ZNF711: variants seen among roughly 807,000 people sequenced by gnomAD.
ZNF711 encodes the protein ZFX family zinc finger ZNF711.
A neutral mutation model predicts 43.5 loss-of-function variants in ZNF711; 3 were observed. The observed-to-expected ratio is 0.07, with a 90% confidence interval of 0.03 to 0.18. The LOEUF (loss-of-function observed/expected upper bound fraction) is 0.18. Ranked by LOEUF, ZNF711 falls within the 10% of genes least tolerant of loss-of-function variation. The probability of loss-of-function intolerance (pLI) is 1.00; values close to 1 mark genes in which losing one functional copy is unlikely to be tolerated. For synonymous variants in ZNF711, 209 were observed against 207.7 expected (o/e 1.01, Z -0.06); for missense variants, 412 against 604.0 (o/e 0.68, Z 3.33).
At chrX:85,249,577 A>G (rs551978702) in intron 4 of ZNF711, among the ~76,000 whole-genome samples, 1 of 111,238 alleles carries the variant, frequency 9.0e-6, no homozygotes, top group East Asian at 2.8e-4. Context: ...TTTATCCTCA[A>G]TGTCTTTAGA....
chrX:85,254,576 C>T (rs1270936916), intron 4 of ZNF711, among the ~76,000 whole-genome samples: 1 of 52,422 alleles, frequency 1.9e-5, no homozygotes, highest in Admixed American at 2.5e-4. Context: ...CACTGCAGTC[C>T]GCAGTCCGGC....
intron 4 of ZNF711, among the ~76,000 whole-genome samples, chrX:85,251,988 G>T (rs767384737): frequency 9.0e-6 from 1 of 111,651 alleles, no homozygotes; most frequent in Non-Finnish European, 1.9e-5. Flanking sequence ...TTGTTCTGAG[G>T]ATTAAATGAG....
At position 85,268,334 on chromosome X, in the gene ZNF711, A is replaced by G; in HGVS notation, c.1095A>G (p.Gln365=). The change falls in exon 9 of 11, where the codon CAA becomes CAG. Residue 365 remains glutamine (Q), a synonymous_variant. Coordinates refer to ENST00000674551, the MANE Select transcript of ZNF711 (RefSeq NM_001330574.2). ...TTTCCCGAAGGTATGAAGATTGTCAAGCATCAGGTAAGAGAGCATTGTATA... is the reference window on the plus strand; with the variant it reads ...TTTCCCGAAGGTATGAAGATTGTCAGGCATCAGGTAAGAGAGCATTGTATA... ...RRVSRRYEDC[Q]ASGNTLDSAL... The G allele has an allele frequency of 8.3e-7, 1 of 1,200,165 alleles. No individual in the cohort carries two copies.
intron 5 of ZNF711, among the ~76,000 whole-genome samples, chrX:85,261,622 A>G (rs1405397031): frequency 9.0e-6 from 1 of 111,571 alleles, no homozygotes; most frequent in East Asian, 2.8e-4. Context: ...AAGGAATGTT[A>G]TATTGTACAT....
Position 85,271,633 on chromosome X carries a change from C to A in ZNF711, c.2229C>A (p.Thr743=). 1 of 1,209,576 alleles carries A rather than the reference C, an allele frequency of 8.3e-7. No individual in the cohort carries two copies. ...ATGAGCTAAAAAAACATATGAAGAC[C>A]CATACTGGAAGGAAGATTTACCAAT... ...QQNELKKHMK[T]HTGRKIYQCE... Residue 743 remains threonine (T), a synonymous_variant, in exon 11 of 11, where the codon ACC becomes ACA. Coordinates refer to ENST00000674551, the MANE Select transcript of ZNF711 (RefSeq NM_001330574.2).
Position 85,265,189 on chromosome X carries a change from C to G in ZNF711, c.850C>G (p.Arg284Gly). Residue 284 changes from arginine to glycine, a missense_variant, in exon 7 of 11, where the codon CGA becomes GGA. Transcript: ENST00000674551. ...HSVAGVLDQS[R>G]MQREKMVYMA... ...AGTAGCTGGAGTGCTTGACCAGAGC[C>G]GAATGCAGCGGGAGAAGATGGTTTA... is the stretch of plus-strand genomic sequence containing the variant. The G allele has an allele frequency of 8.3e-7, 1 of 1,207,598 alleles. No individual in the cohort carries two copies. Among genetic ancestry groups the G allele is most frequent in the Non-Finnish European group, 1.1e-6 (1 of 893,019 alleles).
At position 85,252,336 on chromosome X, in the gene ZNF711, A is replaced by G. The variant is rs1402910972; in HGVS notation, c.80-2923A>G. Among the ~76,000 whole-genome samples the G allele has an allele frequency of 2.7e-5, 3 of 111,576 alleles. No individual in the cohort carries two copies. The East Asian group carries it at 8.4e-4, about 31-fold the overall frequency. The stretch of plus-strand genomic sequence containing the variant: ...CTAAGTGAACTAGCACTGTTCCTTC[A>G]GTCTATCCTCTTAGAATCCACCCAA... On this transcript the variant is annotated intron_variant, in intron 4 of 10. Coordinates refer to ENST00000674551, the MANE Select transcript of ZNF711 (RefSeq NM_001330574.2).
rs936774549 is a variant in ZNF711, at chrX:85,270,211, G to GA, written c.1246+70dup. On this transcript the variant is annotated intron_variant, in intron 10 of 10. Transcript: ENST00000674551. ...TGTGGAAGTATTTTTTGTCACCAAA[G>GA]AAAAATATCGATGGTTTACTTGGCA... The GA allele has an allele frequency of 1.6e-5, 17 of 1,087,466 alleles. No individual in the cohort carries two copies. In the African/African-American group the frequency reaches 3.2e-4, roughly 20 times the overall value. 89.6% of individuals were successfully genotyped at this position (1,087,466 alleles called of 1,213,427 possible).
Position 85,244,148 on chromosome X carries a change from A to AGCGGCGGCG in ZNF711, c.-446_-438dup, listed in dbSNP as rs770058389. The AGCGGCGGCG allele has an allele frequency of 1.5e-5, 2 of 132,436 alleles. No individual in the cohort carries two copies. Among genetic ancestry groups the AGCGGCGGCG allele is most frequent in the African/African-American group, 7.7e-5 (2 of 25,919 alleles). The allele number at this position is 132,436 out of a possible 1,213,427, so 10.9% of individuals were successfully genotyped here. On this transcript the variant is annotated 5_prime_UTR_variant, in exon 1 of 11. Transcript: ENST00000674551. Reference sequence around the variant, plus strand: ...AGGCGGCGGCGGCGGCGGCGGCGGCAGCGGCGGCGGCAGCGGCGGCGGCAG... The same window carrying AGCGGCGGCG: ...AGGCGGCGGCGGCGGCGGCGGCGGCAGCGGCGGCGGCGGCGGCGGCAGCGGCGGCGGCAG...
chrX:85,269,850 A>T (rs187574225), intron 9 of ZNF711, among the ~76,000 whole-genome samples, 153 bp from the exon 10 acceptor site: 1 of 111,985 alleles, frequency 8.9e-6, no homozygotes, highest in Non-Finnish European at 1.9e-5. Flanking sequence ...AACAAGAGTG[A>T]GAGAGAGAAA....
chrX:85,258,871 G>A (rs942758075), intron 5 of ZNF711, among the ~76,000 whole-genome samples: 6 of 111,134 alleles, frequency 5.4e-5, no homozygotes, highest in African/African-American at 1.3e-4. Context: ...TGTTTACTCC[G>A]TTGATAGTTT....
At chrX:85,269,592 G>A (rs902637942) in intron 9 of ZNF711, among the ~76,000 whole-genome samples, 4 of 109,620 alleles carry the variant, frequency 3.6e-5, no homozygotes, top group African/African-American at 1.3e-4. Context: ...GCCTAGGGTG[G>A]ACTGAAACTC....
At position 85,260,025 on chromosome X, in the gene ZNF711, G is replaced by T. The variant is rs1012197641; in HGVS notation, c.622+4224G>T. Among the ~76,000 whole-genome samples, 4 of 111,187 alleles carry T rather than the reference G, an allele frequency of 3.6e-5. No homozygotes were observed. The Admixed American group carries it at 3.8e-4, about 11-fold the overall frequency. On this transcript the variant is annotated intron_variant, in intron 5 of 10. Coordinates refer to ENST00000674551, the MANE Select transcript of ZNF711 (RefSeq NM_001330574.2). ...TCAGTTCGATATTGGCTTTGGGTTT[G>T]TCATAAATGGCTGTTATTATTTTGA...
intron 7 of ZNF711, 140 bp downstream of exon 7, chrX:85,265,395 T>C: frequency 1.6e-6 from 1 of 644,805 alleles, no homozygotes; most frequent in Non-Finnish European, 2.4e-6. Flanking sequence ...TGTAAATAAT[T>C]TAAAAGTGAA....
In ZNF711 at chrX:85,265,210, G is replaced by A; in HGVS notation, c.871G>A (p.Val291Ile). 1 of 1,208,801 alleles carries A rather than the reference G, an allele frequency of 8.3e-7. No homozygotes were observed. Among genetic ancestry groups the A allele is most frequent in the South Asian group, 1.8e-5 (1 of 56,897 alleles). ...DQSRMQREKMVYMAVKDSSQE... is the reference protein window; with the variant it reads ...DQSRMQREKMIYMAVKDSSQE... ...GAGCCGAATGCAGCGGGAGAAGATG[G>A]TTTACATGGCAGTTAAAGATTCTTC... Residue 291 changes from valine (V) to isoleucine (I), a missense_variant, in exon 7 of 11, where the codon GTT becomes ATT. Around this residue, in one of 4 missense-constraint regions of ZNF711, gnomAD observed 375 missense variants for 514.2 expected, o/e 0.73. Coordinates refer to ENST00000674551, the MANE Select transcript of ZNF711 (RefSeq NM_001330574.2).
chrX:85,255,401 TG>T lies in ZNF711; in HGVS notation c.223del (p.Asp75IlefsTer8). On this transcript the variant is annotated frameshift_variant, in exon 5 of 11. Transcript: ENST00000674551. LOFTEE classifies it high-confidence loss of function. ...GLAAEVVHGP[D>X]IITETDVVTE... Reference sequence around the variant, plus strand: ...TTGCAGCTGAAGTTGTCCATGGACCTGATATCATCACAGAGACTGATGTAGT... The same window carrying T: ...TTGCAGCTGAAGTTGTCCATGGACCTATATCATCACAGAGACTGATGTAGT... 1 of 1,211,838 alleles carries T rather than the reference TG, an allele frequency of 8.3e-7. No individual in the cohort carries two copies. Among genetic ancestry groups the T allele is most frequent in the Non-Finnish European group, 1.1e-6 (1 of 895,582 alleles).
Position 85,265,196 on chromosome X carries a change from A to G in ZNF711, c.857A>G (p.Gln286Arg). The G allele has an allele frequency of 8.3e-7, 1 of 1,209,168 alleles. No homozygotes were observed. The highest frequency in any genetic ancestry group is 1.1e-6 in the Non-Finnish European group (1 of 893,866). The change falls in exon 7 of 11, where the codon CAG (glutamine) becomes CGG (arginine). Residue 286 changes from glutamine (Q) to arginine (R), a missense_variant. Gln to Arg is a conservative substitution (Grantham distance 43). Transcript: ENST00000674551. ...VAGVLDQSRM[Q>R]REKMVYMAVK... is the part of the protein sequence containing the mutation. ...GGAGTGCTTGACCAGAGCCGAATGC[A>G]GCGGGAGAAGATGGTTTACATGGCA...
At position 85,259,738 on chromosome X, in the gene ZNF711, T is replaced by C. The variant is rs776015435; in HGVS notation, c.622+3937T>C. ...ATGCTACTGATTTTTGTACATTGATTTTGTATCCTGAAGCCTTAATAAAAT... is the reference window on the plus strand; with the variant it reads ...ATGCTACTGATTTTTGTACATTGATCTTGTATCCTGAAGCCTTAATAAAAT... On this transcript the variant is annotated intron_variant, in intron 5 of 10. Transcript: ENST00000674551. 9.9e-5 allele frequency among the ~76,000 whole-genome samples: 11 copies of C among 111,642 alleles called. No homozygotes were observed. In the South Asian group the frequency reaches 4.1e-3, roughly 41 times the overall value.
Position 85,244,074 on chromosome X carries a change from G to A in ZNF711, c.-523G>A, listed in dbSNP as rs1410317548. The stretch of plus-strand genomic sequence containing the variant: ...GGACCTTAAGGGATCCACAGCTGCC[G>A]CCCCCCGCAGCCATCCAGAGCGCGG... On this transcript the variant is annotated 5_prime_UTR_variant, in exon 1 of 11. Coordinates refer to ENST00000674551, the MANE Select transcript of ZNF711 (RefSeq NM_001330574.2). 2 of 138,812 alleles carry A rather than the reference G, an allele frequency of 1.4e-5. No individual in the cohort carries two copies. The highest frequency in any genetic ancestry group is 3.2e-5 in the African/African-American group (1 of 31,027). The allele number at this position is 138,812 out of a possible 1,213,427, so 11.4% of individuals were successfully genotyped here. A position where few individuals can be genotyped will look rare whatever the true frequency, so the allele number is the denominator to read the frequency against.
Sources: gnomAD v4.1 joint callset for allele counts (sites outside exome capture counted in the v4.1 genomes callset) on GRCh38, gnomAD v4.1.1 for gene constraint, gnomAD v4.1.1 regional missense constraint, MANE v1.5 for transcripts, NCBI Gene and HGNC (gene_info 2026-07-23, HGNC 2026-07-21) for gene names.